The following DGKI variants were observed in gnomAD, a reference collection of about 807,000 sequenced individuals.
The protein encoded by DGKI is diacylglycerol kinase iota, also known as DAG kinase iota.
Under a neutral mutation model 147.5 loss-of-function variants are expected in DGKI, and 55 were observed. The ratio of observed to expected loss-of-function variants is 0.37; its 90% CI spans 0.30 to 0.47. The LOEUF is 0.47. Among genes scored for constraint, DGKI ranks in the 20% least tolerant of loss-of-function variants. The probability of loss-of-function intolerance (pLI) is 1.00; values close to 1 mark genes in which losing one functional copy is unlikely to be tolerated. For synonymous variants in DGKI, 469 were observed against 477.1 expected, an observed-to-expected ratio of 0.98 and a Z score of 0.22; for missense variants, 1,007 against 1,323.8, an observed-to-expected ratio of 0.76 and a Z score of 3.71.
At chr7:137,782,474 C>T (rs1018167930) in intron 1 of DGKI, among the ~76,000 whole-genome samples, 14 of 152,174 alleles carry the variant, frequency 9.2e-5, no homozygotes, top group African/African-American at 2.9e-4. Flanking sequence ...AGCTAAGACA[C>T]GCCTAGCCCT....
chr7:137,821,650 G>GAAA (rs760544126), intron 1 of DGKI, among the ~76,000 whole-genome samples: 9 of 116,084 alleles, frequency 7.8e-5, no homozygotes, highest in African/African-American at 2.8e-4. Flanking sequence ...ACATACATCA[G>GAAA]AAAAAAAAAA....
In DGKI at chr7:137,581,942, CAA is replaced by C. The variant is rs1819211131; in HGVS notation, c.1564-16_1564-15del. On this transcript the variant is annotated splice_polypyrimidine_tract_variant and intron_variant, in intron 14 of 32. Coordinates refer to ENST00000614521, the MANE Select transcript of DGKI (RefSeq NM_001321708.2). ...ATTCAGAGGGAGCTGCAATGATAAA[CAA>C]AGACAGAGGCAAAATTTTGTGTGGC... The C allele has an allele frequency of 6.2e-7, 1 of 1,611,154 alleles. No individual in the cohort carries two copies. The highest frequency in any genetic ancestry group is 8.5e-7 in the Non-Finnish European group (1 of 1,178,042).
At chr7:137,426,463 C>T (rs1214572295) in intron 28 of DGKI, among the ~76,000 whole-genome samples, 1 of 152,120 alleles carries the variant, frequency 6.6e-6, no homozygotes, top group Non-Finnish European at 1.5e-5. Context: ...TTGTAAAGAC[C>T]ATCGAGGCTA....
chr7:137,817,564 T>C (rs1377787612), intron 1 of DGKI, among the ~76,000 whole-genome samples: 1 of 152,236 alleles, frequency 6.6e-6, no homozygotes, highest in African/African-American at 2.4e-5. Context: ...TGCTGTCGAA[T>C]TGTGACTCAC....
At chr7:137,541,786 G>GA (rs1157261881) in intron 20 of DGKI, among the ~76,000 whole-genome samples, 1 of 151,594 alleles carries the variant, frequency 6.6e-6, no homozygotes, top group Non-Finnish European at 1.5e-5. Flanking sequence ...ATGCAAAATA[G>GA]AAAACCTATA....
At chr7:137,843,629 G>A (rs1244435023) in intron 1 of DGKI, among the ~76,000 whole-genome samples, 3 of 151,876 alleles carry the variant, frequency 2.0e-5, no homozygotes, top group African/African-American at 7.3e-5. Context: ...TTATTTAAAG[G>A]CTTTTTGTAA....
chr7:137,551,817 C>T (rs1818054897), intron 20 of DGKI, among the ~76,000 whole-genome samples: 2 of 152,018 alleles, frequency 1.3e-5, no homozygotes, highest in Non-Finnish European at 2.9e-5. Context: ...GGATGCTGCC[C>T]AGAAAGCCAA....
At chr7:137,416,266 A>T (rs1210351758) in intron 28 of DGKI, among the ~76,000 whole-genome samples, 1 of 152,176 alleles carries the variant, frequency 6.6e-6, no homozygotes, top group Non-Finnish European at 1.5e-5. Context: ...AGTTAATAAA[A>T]ATAGGACAGT....
At chr7:137,823,137 C>T (rs1237685279) in intron 1 of DGKI, among the ~76,000 whole-genome samples, 1 of 151,154 alleles carries the variant, frequency 6.6e-6, no homozygotes, top group Non-Finnish European at 1.5e-5. Context: ...GTCCCAAAAC[C>T]CATGAATATA....
intron 21 of DGKI, among the ~76,000 whole-genome samples, chr7:137,496,002 A>T (rs1368578964): frequency 6.6e-6 from 1 of 152,148 alleles, no homozygotes; most frequent in African/African-American, 2.4e-5. Flanking sequence ...CCCAAATAGG[A>T]AGAGAGGAAA....
intron 1 of DGKI, among the ~76,000 whole-genome samples, chr7:137,792,036 G>A (rs539139845): frequency 1.7e-4 from 26 of 152,346 alleles, no homozygotes; most frequent in African/African-American, 6.0e-4. Context: ...GCAGAGAAAA[G>A]AGAGTGTCTT....
intron 19 of DGKI, among the ~76,000 whole-genome samples, chr7:137,554,468 T>C (rs2692006): frequency 0.11 from 16,621 of 152,160 alleles, 2,052 homozygotes; most frequent in African/African-American, 0.3. Context: ...TTCTGTGACT[T>C]GAGAGGAAAA....
chr7:137,609,097 C>T (rs966376449), intron 9 of DGKI, 33 bp from the exon 10 acceptor site: 6 of 1,575,610 alleles, frequency 3.8e-6, no homozygotes, highest in African/African-American at 1.4e-5. Context: ...TTAGGATACA[C>T]ATCCATGGCT....
chr7:137,821,661 A>G (rs1797904737), intron 1 of DGKI, among the ~76,000 whole-genome samples: 1 of 151,268 alleles, frequency 6.6e-6, no homozygotes, highest in Non-Finnish European at 1.5e-5. Context: ...AAAAAAAAAA[A>G]AGAAAGAAAG....
chr7:137,526,808 C>T (rs1217801677), intron 20 of DGKI, among the ~76,000 whole-genome samples: 1 of 152,088 alleles, frequency 6.6e-6, no homozygotes, highest in East Asian at 1.9e-4. Flanking sequence ...CCCTAGTGCC[C>T]TCAAACGTCT....
intron 20 of DGKI, among the ~76,000 whole-genome samples, chr7:137,545,245 T>C (rs1295045973): frequency 6.6e-6 from 1 of 152,142 alleles, no homozygotes; most frequent in African/African-American, 2.4e-5. Flanking sequence ...ACATAATAAA[T>C]GCTAGGTAAG....
At chr7:137,501,773 T>C (rs1299910627) in intron 21 of DGKI, among the ~76,000 whole-genome samples, 2 of 152,156 alleles carry the variant, frequency 1.3e-5, no homozygotes, top group South Asian at 2.1e-4. Context: ...AGATGCTGAA[T>C]TGAGCTAGGA....
intron 2 of DGKI, among the ~76,000 whole-genome samples, chr7:137,679,099 A>G (rs1326410349): frequency 6.6e-6 from 1 of 152,238 alleles, no homozygotes; most frequent in Non-Finnish European, 1.5e-5. Context: ...TATTTTAAGT[A>G]AAGACAGTTT....
At chr7:137,474,255 A>G (rs1283951126) in intron 23 of DGKI, among the ~76,000 whole-genome samples, 1 of 152,230 alleles carries the variant, frequency 6.6e-6, no homozygotes, top group Non-Finnish European at 1.5e-5. Flanking sequence ...TTGCCCTTGA[A>G]TCTATTCCAT....
Sources: gnomAD v4.1 joint callset for allele counts (sites outside exome capture counted in the v4.1 genomes callset) on GRCh38, gnomAD v4.1.1 for gene constraint, MANE v1.5 for transcripts, NCBI Gene and HGNC (gene_info 2026-07-23, HGNC 2026-07-21) for gene names.